PLAA: variants seen among roughly 807,000 people sequenced by gnomAD.
PLAA encodes phospholipase A2 activating protein, also known as phospholipase A-2-activating protein.
PLAA carries 48 observed loss-of-function variants against 84.1 expected under a neutral mutation model. The observed-to-expected ratio is 0.57, with a 90% CI of 0.45 to 0.73. The LOEUF is 0.73. Among genes scored for constraint, PLAA ranks in the 30% least tolerant of loss-of-function variants. The probability of loss-of-function intolerance (pLI) is 0.00; values close to 1 mark genes in which losing one functional copy is unlikely to be tolerated. For missense variants in PLAA, 903 were observed against 954.7 expected (o/e 0.95, Z 0.71); for synonymous variants, 392 against 336.6 (o/e 1.16, Z -1.80).
At chr9:26,927,587 A>T (rs184790386) in intron 4 of PLAA, among the ~76,000 whole-genome samples, 123 of 152,342 alleles carry the variant, frequency 8.1e-4, no homozygotes, top group South Asian at 4.6e-3. Context: ...TAGATAGCAG[A>T]TGCATCAGTA....
chr9:26,931,673 T>C (rs1825189216), intron 2 of PLAA, among the ~76,000 whole-genome samples: 1 of 151,900 alleles, frequency 6.6e-6, no homozygotes, highest in African/African-American at 2.4e-5. Context: ...CCAGTAAAAC[T>C]GAGATTGTGG....
chr9:26,929,915 C>T (rs973959364), intron 2 of PLAA, among the ~76,000 whole-genome samples: 2 of 152,098 alleles, frequency 1.3e-5, no homozygotes, highest in Non-Finnish European at 2.9e-5. Context: ...GAGAATGGTA[C>T]TTTCCTCCTC....
chr9:26,944,911 T>C (rs1825641979), intron 1 of PLAA, among the ~76,000 whole-genome samples: 1 of 152,224 alleles, frequency 6.6e-6, no homozygotes, highest in East Asian at 1.9e-4. Flanking sequence ...GCAGATCACC[T>C]GAGGTCAGGA....
intron 10 of PLAA, chr9:26,916,573 C>T (rs1824567686): frequency 1.0e-6 from 1 of 987,028 alleles, no homozygotes. Flanking sequence ...CAAAATATGC[C>T]TGGGGAGACT....
chr9:26,904,509 A>C lies in PLAA; in HGVS notation c.*1002T>G, dbSNP rs1253289527. The C allele has an allele frequency of 6.6e-6, 1 of 150,816 alleles. No individual in the cohort carries two copies. Among genetic ancestry groups the C allele is most frequent in the Non-Finnish European group, 1.5e-5 (1 of 67,704 alleles). 9.3% of individuals were successfully genotyped at this position (150,816 alleles called of 1,614,324 possible). A position where few individuals can be genotyped will look rare whatever the true frequency, so the allele number is the denominator to read the frequency against. ...AAGTAGTTAACTCCCTCTTGGCTTCACTTTTTTTTTTCTGTTATATGATTC... is the reference window on the plus strand; with the variant it reads ...AAGTAGTTAACTCCCTCTTGGCTTCCCTTTTTTTTTTCTGTTATATGATTC... On this transcript the variant is annotated 3_prime_UTR_variant, in exon 14 of 14. Transcript: ENST00000397292.
intron 1 of PLAA, among the ~76,000 whole-genome samples, chr9:26,941,630 T>G (rs533124272): frequency 1.3e-5 from 2 of 152,210 alleles, no homozygotes; most frequent in South Asian, 4.1e-4. Context: ...AACAGACCAT[T>G]AAGGAGGAAA....
intron 9 of PLAA, among the ~76,000 whole-genome samples, chr9:26,918,670 A>G (rs113657593): frequency 6.6e-6 from 1 of 152,172 alleles, no homozygotes; most frequent in East Asian, 1.9e-4. Flanking sequence ...ATTAACAGTA[A>G]AGTGCCTATC....
chr9:26,936,517 C>A (rs10967611), intron 1 of PLAA, among the ~76,000 whole-genome samples: 14,908 of 152,234 alleles, frequency 0.098, 1,545 homozygotes, highest in East Asian at 0.57. Context: ...AAGCTTGCAA[C>A]TTCTAGGGGA....
chr9:26,935,714 C>A (rs1825336312), intron 1 of PLAA, among the ~76,000 whole-genome samples: 1 of 151,996 alleles, frequency 6.6e-6, no homozygotes, highest in Admixed American at 6.6e-5. Context: ...CTTTTGCCTT[C>A]CCTGGGCCAC....
At chr9:26,906,292 C>T (rs1197275213) in intron 13 of PLAA, among the ~76,000 whole-genome samples, 8 of 151,938 alleles carry the variant, frequency 5.3e-5, no homozygotes, top group South Asian at 2.1e-4. Context: ...AGATCATATT[C>T]GCTTTAAAAA....
chr9:26,915,994 G>T, intron 10 of PLAA: 1 of 985,290 alleles, frequency 1.0e-6, no homozygotes, highest in Non-Finnish European at 1.2e-6. Context: ...TGTTATCAAA[G>T]ACTTCCTTAA....
chr9:26,916,526 T>C (rs1446149894), intron 10 of PLAA: 1 of 986,028 alleles, frequency 1.0e-6, no homozygotes, highest in Non-Finnish European at 1.2e-6. Flanking sequence ...AGACTACTCC[T>C]GGGTAGTTGG....
chr9:26,919,621 T>C lies in PLAA; in HGVS notation c.1198-92A>G, dbSNP rs1448013287. 8 of 725,734 alleles carry C rather than the reference T, an allele frequency of 1.1e-5. No individual in the cohort carries two copies. The Admixed American group carries it at 1.9e-4, about 17-fold the overall frequency. 45.0% of individuals were successfully genotyped at this position (725,734 alleles called of 1,614,324 possible). A position where few individuals can be genotyped will look rare whatever the true frequency, so the allele number is the denominator to read the frequency against. ...AACATAACACAGATGTGTTCTTTAA[T>C]AATTACAGTACTTAAACTTTCTCCA... On this transcript the variant is annotated intron_variant, in intron 8 of 13. Transcript: ENST00000397292.
chr9:26,910,154 A>G (rs1293042102), intron 12 of PLAA, among the ~76,000 whole-genome samples, 184 bp downstream of exon 12: 1 of 152,190 alleles, frequency 6.6e-6, no homozygotes, highest in Non-Finnish European at 1.5e-5. Context: ...AAGACTTCTT[A>G]GAAAGTATTA....
Position 26,904,423 on chromosome 9 carries a change from T to C in PLAA, c.*1088A>G, listed in dbSNP as rs1824167857. 1 of 152,190 alleles carries C rather than the reference T, an allele frequency of 6.6e-6. No homozygotes were observed. Among genetic ancestry groups the C allele is most frequent in the African/African-American group, 2.4e-5 (1 of 41,452 alleles). The allele number at this position is 152,190 out of a possible 1,614,324, so 9.4% of individuals were successfully genotyped here. ...TGTGATGGTTCCTTCTTTGTGTTAA[T>C]TGCTAGGATGTTCACACACATCTGT... On this transcript the variant is annotated 3_prime_UTR_variant, in exon 14 of 14. Transcript: ENST00000397292.
rs560889976 is a variant in PLAA, at chr9:26,919,288, C to T, written c.1417+22G>A. 6.1e-6 allele frequency: 9 copies of T among 1,478,804 alleles called. No homozygotes were observed. The African/African-American group carries it at 1.3e-4, about 21-fold the overall frequency. 91.6% of individuals were successfully genotyped at this position (1,478,804 alleles called of 1,614,324 possible). A position where few individuals can be genotyped will look rare whatever the true frequency, so the allele number is the denominator to read the frequency against. On this transcript the variant is annotated intron_variant, in intron 9 of 13. Coordinates refer to ENST00000397292, the MANE Select transcript of PLAA (RefSeq NM_001031689.3). Reference sequence around the variant, plus strand: ...TCAACACTAATGGAACTACATAAGACTCAATATAAACACTAACTTACCTGT... The same window carrying T: ...TCAACACTAATGGAACTACATAAGATTCAATATAAACACTAACTTACCTGT...
chr9:26,918,032 T>C (rs1182882294), intron 9 of PLAA, among the ~76,000 whole-genome samples: 1 of 152,158 alleles, frequency 6.6e-6, no homozygotes, highest in Non-Finnish European at 1.5e-5. Flanking sequence ...ACTAAACAAT[T>C]ATTTTCTTTT....
Position 26,928,146 on chromosome 9 carries a change from C to T in PLAA, c.519G>A (p.Lys173=). Residue 173 remains lysine, a synonymous_variant, in exon 4 of 14, where the codon AAG becomes AAA. Coordinates refer to ENST00000397292, the MANE Select transcript of PLAA (RefSeq NM_001031689.3). ...TTCCAGCCTTCCACAGTTTAACAGT[C>T]TTGTCTGCTGATCCAGTCAACATTA... The part of the protein sequence containing the change: ...QGLMLTGSAD[K]TVKLWKAGRC... The T allele has an allele frequency of 6.2e-7, 1 of 1,614,212 alleles. No homozygotes were observed. The highest frequency in any genetic ancestry group is 8.5e-7 in the Non-Finnish European group (1 of 1,180,030).
intron 13 of PLAA, among the ~76,000 whole-genome samples, chr9:26,907,385 C>T (rs1483642065): frequency 2.6e-5 from 4 of 152,114 alleles, no homozygotes; most frequent in African/African-American, 9.6e-5. Flanking sequence ...AAAAATTAGC[C>T]GGGCATGGTG....
Sources: gnomAD v4.1 joint callset for allele counts (sites outside exome capture counted in the v4.1 genomes callset) on GRCh38, gnomAD v4.1.1 for gene constraint, MANE v1.5 for transcripts, NCBI Gene and HGNC (gene_info 2026-07-23, HGNC 2026-07-21) for gene names.